Variants in LRRC17 observed in about 807,000 individuals in gnomAD.
The protein encoded by LRRC17 is leucine-rich repeat-containing protein 17.
LRRC17 carries 33 observed loss-of-function variants against 41.5 expected under a neutral mutation model. That is an observed-to-expected ratio of 0.80 (90% confidence interval 0.60 to 1.06). The LOEUF is 1.06. LRRC17 is among the 50% of genes least tolerant of loss of function. The probability of loss-of-function intolerance (pLI) is 0.00; values close to 1 mark genes in which losing one functional copy is unlikely to be tolerated. For missense variants in LRRC17, 491 were observed against 519.3 expected (o/e 0.95, Z 0.53); for synonymous variants, 192 against 197.0 (o/e 0.97, Z 0.21).
At chr7:102,934,986 T>C (rs767485024) in intron 2 of LRRC17, among the ~76,000 whole-genome samples, 21 of 152,174 alleles carry the variant, frequency 1.4e-4, no homozygotes, top group Non-Finnish European at 1.9e-4. Flanking sequence ...TTAACTCCAA[T>C]TTAATTTAGG....
rs1457023929 is a variant in LRRC17, at chr7:102,944,196, T to C, written c.929-14T>C. 2 of 1,584,820 alleles carry C rather than the reference T, an allele frequency of 1.3e-6. No individual in the cohort carries two copies. The highest frequency in any genetic ancestry group is 1.7e-6 in the Non-Finnish European group (2 of 1,167,968). On this transcript the variant is annotated splice_polypyrimidine_tract_variant and intron_variant, in intron 3 of 3. Coordinates refer to ENST00000339431, the MANE Select transcript of LRRC17 (RefSeq NM_001031692.3). The stretch of plus-strand genomic sequence containing the variant: ...CTCAATTACTCAGGCTCAATAAATA[T>C]TTTCTGTTTCCAGCCGCTTTTTTAG...
intron 1 of LRRC17, among the ~76,000 whole-genome samples, chr7:102,923,117 A>G (rs889846738): frequency 6.6e-6 from 1 of 152,242 alleles, no homozygotes; most frequent in African/African-American, 2.4e-5. Flanking sequence ...CTGCTTGTCA[A>G]TGATGTGAAT....
At chr7:102,923,570 C>G (rs1419632417) in intron 1 of LRRC17, among the ~76,000 whole-genome samples, 4 of 152,178 alleles carry the variant, frequency 2.6e-5, no homozygotes. Flanking sequence ...CGCTTGTAAT[C>G]CCAGCACTTT....
Position 102,944,732 on chromosome 7 carries a change from T to A in LRRC17, c.*125T>A. On this transcript the variant is annotated 3_prime_UTR_variant, in exon 4 of 4. Transcript: ENST00000339431. ...GGTAATCCAGCTAAAGGAAGCTTTC[T>A]TTAATTATAAGTATTATTGTGACTA... The A allele has an allele frequency of 1.2e-6, 1 of 826,456 alleles. No homozygotes were observed. The highest frequency in any genetic ancestry group is 1.8e-6 in the Non-Finnish European group (1 of 545,692). The allele number at this position is 826,456 out of a possible 1,614,324, so 51.2% of individuals were successfully genotyped here. A position where few individuals can be genotyped will look rare whatever the true frequency, so the allele number is the denominator to read the frequency against.
In LRRC17 at chr7:102,939,400, T is replaced by A. The variant is rs560105381; in HGVS notation, c.773-30T>A. 5.7e-6 allele frequency: 9 copies of A among 1,583,494 alleles called. No individual in the cohort carries two copies. The Admixed American group carries it at 1.6e-4, about 28-fold the overall frequency. On this transcript the variant is annotated intron_variant, in intron 2 of 3. Transcript: ENST00000339431. ...CGAGGAAATGGGGGCAAAAAGAGCA[T>A]AATAACGTAAATATTATTAAATTTT...
At position 102,933,969 on chromosome 7, in the gene LRRC17, G is replaced by A. The variant is rs771131020; in HGVS notation, c.56G>A (p.Arg19His). ...LLCFCKAAEL[R>H]KASPGSVRSR... ...TGCTTTTGCAAAGCGGCTGAGCTGC[G>A]CAAAGCAAGCCCAGGCAGTGTGAGA... Residue 19 changes from arginine to histidine, a missense_variant, in exon 2 of 4, where the codon CGC (arginine) becomes CAC (histidine). Coordinates refer to ENST00000339431, the MANE Select transcript of LRRC17 (RefSeq NM_001031692.3). 16 of 1,613,908 alleles carry A rather than the reference G, an allele frequency of 9.9e-6. No homozygotes were observed. Among genetic ancestry groups the A allele is most frequent in the South Asian group, 8.8e-5 (8 of 91,060 alleles).
At chr7:102,918,649 C>CTT (rs1816377313) in intron 1 of LRRC17, among the ~76,000 whole-genome samples, 1 of 152,106 alleles carries the variant, frequency 6.6e-6, no homozygotes, top group South Asian at 2.1e-4. Context: ...GATCTTGTCT[C>CTT]TACAAAAGAT....
intron 1 of LRRC17, among the ~76,000 whole-genome samples, chr7:102,916,534 G>T (rs1200463334): frequency 6.6e-6 from 1 of 152,202 alleles, no homozygotes; most frequent in East Asian, 1.9e-4. Flanking sequence ...CCTTTCTAGG[G>T]ATTTACAGTT....
intron 1 of LRRC17, among the ~76,000 whole-genome samples, chr7:102,914,922 C>T (rs942348555): frequency 2.0e-5 from 3 of 152,130 alleles, no homozygotes; most frequent in East Asian, 1.9e-4. Context: ...GGGAGAGGCA[C>T]ACCAGGGTGT....
At chr7:102,930,573 A>G (rs913214784) in intron 1 of LRRC17, among the ~76,000 whole-genome samples, 1 of 152,172 alleles carries the variant, frequency 6.6e-6, no homozygotes, top group Non-Finnish European at 1.5e-5. Context: ...TCAAATCTAC[A>G]ATGCATTGTT....
chr7:102,939,719 A>C (rs1269554579), intron 3 of LRRC17, 134 bp downstream of exon 3: 2 of 809,216 alleles, frequency 2.5e-6, no homozygotes, highest in Admixed American at 5.6e-5. Context: ...TTAATTAAAC[A>C]TGACACTTAT....
At chr7:102,934,967 C>T (rs1820003773) in intron 2 of LRRC17, among the ~76,000 whole-genome samples, 2 of 152,158 alleles carry the variant, frequency 1.3e-5, no homozygotes, top group Admixed American at 1.3e-4. Flanking sequence ...GTAAGGAATT[C>T]CTTTCATCTT....
intron 1 of LRRC17, among the ~76,000 whole-genome samples, chr7:102,916,925 A>G (rs1816005334): frequency 6.6e-6 from 1 of 151,628 alleles, no homozygotes; most frequent in Non-Finnish European, 1.5e-5. Flanking sequence ...GTTTTTTTCC[A>G]TTAAAGAATT....
rs138748213 is a variant in LRRC17, at chr7:102,938,173, A to G, written c.773-1257A>G. Among the ~76,000 whole-genome samples the G allele has an allele frequency of 3.7e-3, 571 of 152,374 alleles. 5 individuals are homozygous for G. The highest frequency in any genetic ancestry group is 0.014 in the African/African-American group (564 of 41,594). ...AGGTAAACGGATTTGTCAAGAATAC[A>G]TGAAAGTCAGAGTTTTTAAACTGCT... is the stretch of plus-strand genomic sequence containing the variant. On this transcript the variant is annotated intron_variant, in intron 2 of 3. Coordinates refer to ENST00000339431, the MANE Select transcript of LRRC17 (RefSeq NM_001031692.3).
At chr7:102,927,203 G>A (rs1429852278) in intron 1 of LRRC17, among the ~76,000 whole-genome samples, 8 of 152,196 alleles carry the variant, frequency 5.3e-5, no homozygotes, top group Admixed American at 1.3e-4. Flanking sequence ...AAAATACAAC[G>A]AGTAGCAGCA....
intron 1 of LRRC17, among the ~76,000 whole-genome samples, chr7:102,918,610 G>A (rs1176718595): frequency 6.6e-6 from 1 of 152,210 alleles, no homozygotes; most frequent in East Asian, 1.9e-4. Context: ...GAGGCCATGA[G>A]TTTGAGACCA....
At chr7:102,937,458 G>T (rs1820546547) in intron 2 of LRRC17, among the ~76,000 whole-genome samples, 1 of 137,368 alleles carries the variant, frequency 7.3e-6, no homozygotes, top group Admixed American at 8.1e-5. Context: ...AGTGAGCTGA[G>T]ATCACGCCAC....
At chr7:102,936,679 C>G (rs1243324765) in intron 2 of LRRC17, among the ~76,000 whole-genome samples, 2 of 152,172 alleles carry the variant, frequency 1.3e-5, no homozygotes. Context: ...TGCTGAGGCT[C>G]TAACCTCAAG....
Position 102,926,339 on chromosome 7 carries a change from C to T in LRRC17, c.-140-7435C>T, listed in dbSNP as rs73408247. 2,031 of 1,613,824 alleles carry T rather than the reference C, an allele frequency of 1.3e-3. 17 individuals carry two copies. The African/African-American group carries it at 0.022, about 18-fold the overall frequency. On this transcript the variant is annotated intron_variant, in intron 1 of 3. Transcript: ENST00000339431. ...TAGACAGATTGAGACACAGGACCCC[C>T]GGGCAGCCCTCAGAAATGTGTCTCA...
Sources: allele counts gnomAD v4.1 joint callset (sites outside exome capture counted in the v4.1 genomes callset), GRCh38; gene constraint gnomAD v4.1.1; transcripts MANE v1.5; gene names NCBI Gene and HGNC (gene_info 2026-07-23, HGNC 2026-07-21).